LEPROT: variants seen among roughly 807,000 people sequenced by gnomAD.
LEPROT encodes leptin receptor overlapping transcript.
In LEPROT, 3 loss-of-function variants were observed where a neutral mutation model predicts 15.4. That is an observed-to-expected ratio of 0.19 (90% CI 0.09 to 0.50). The LOEUF (loss-of-function observed/expected upper bound fraction) is 0.50, where lower values mean the gene tolerates loss of function less well. LEPROT is among the 20% of genes least tolerant of loss of function. The pLI, the probability that LEPROT is intolerant of heterozygous loss-of-function variation, is 0.97. For missense variants in LEPROT, 137 were observed against 162.2 expected (o/e 0.84, Z 0.84); for synonymous variants, 59 against 57.5 (o/e 1.03, Z -0.12).
Position 65,434,820 on chromosome 1 carries a change from A to G in LEPROT, c.*2901A>G. On this transcript the variant is annotated 3_prime_UTR_variant, in exon 4 of 4. Coordinates refer to ENST00000371065, the MANE Select transcript of LEPROT (RefSeq NM_017526.5). ...TCCCTCCTGAGGTTCTTCATATTCC[A>G]GAGTCACCCACCCTTCTCCTCCCAT... 2.0e-6 allele frequency: 2 copies of G among 985,478 alleles called. No homozygotes were observed. The highest frequency in any genetic ancestry group is 2.4e-6 in the Non-Finnish European group (2 of 829,982). 61.0% of individuals were successfully genotyped at this position (985,478 alleles called of 1,614,324 possible).
intron 3 of LEPROT, chr1:65,430,337 C>T (rs1646461489): frequency 4.2e-6 from 1 of 240,146 alleles, no homozygotes. Context: ...TTAAATCTTA[C>T]AGTAATCCAC....
At chr1:65,430,590 T>G (rs748557438) in intron 3 of LEPROT, among the ~76,000 whole-genome samples, 8 of 152,232 alleles carry the variant, frequency 5.3e-5, no homozygotes, top group Admixed American at 1.3e-4. Flanking sequence ...TGCTATTCAC[T>G]GTCTTTCCTA....
chr1:65,425,368 G>C lies in LEPROT; in HGVS notation c.82G>C (p.Glu28Gln). ...LTFLMLGCAL[E>Q]DYGVYWPLFV... ...TTTTCTTATGCTGGGATGTGCCTTAGAGGATTATGGGTAAGTTATCATTTC... is the reference window on the plus strand; with the variant it reads ...TTTTCTTATGCTGGGATGTGCCTTACAGGATTATGGGTAAGTTATCATTTC... The change falls in exon 2 of 4, where the codon GAG (glutamate) becomes CAG (glutamine). Residue 28 changes from glutamate to glutamine, a missense_variant. Physicochemically the swap from Glu to Gln is conservative, Grantham distance 29. Coordinates refer to ENST00000371065, the MANE Select transcript of LEPROT (RefSeq NM_017526.5). 6.2e-7 allele frequency: 1 copy of C among 1,602,778 alleles called. No homozygotes were observed. Among genetic ancestry groups the C allele is most frequent in the Non-Finnish European group, 8.5e-7 (1 of 1,177,028 alleles).
Position 65,433,523 on chromosome 1 carries a change from AAC to A in LEPROT, c.*1607_*1608del. 1 of 985,440 alleles carries A rather than the reference AAC, an allele frequency of 1.0e-6. No individual in the cohort carries two copies. The highest frequency in any genetic ancestry group is 1.2e-6 in the Non-Finnish European group (1 of 829,928). 61.0% of individuals were successfully genotyped at this position (985,440 alleles called of 1,614,324 possible). A position where few individuals can be genotyped will look rare whatever the true frequency, so the allele number is the denominator to read the frequency against. On this transcript the variant is annotated 3_prime_UTR_variant, in exon 4 of 4. Coordinates refer to ENST00000371065, the MANE Select transcript of LEPROT (RefSeq NM_017526.5). ...AAGTATGAAACTGAAATACATTCAA[AAC>A]ACTTAATCCTTGAGGCTTGTGATCT... is the stretch of plus-strand genomic sequence containing the variant.
Position 65,433,760 on chromosome 1 carries a change from C to T in LEPROT, c.*1841C>T. Reference sequence around the variant, plus strand: ...TTTTAACCGGCATTTTTAATAATGACACTTGCATTTATTGTATTGTAATAA... The same window carrying T: ...TTTTAACCGGCATTTTTAATAATGATACTTGCATTTATTGTATTGTAATAA... On this transcript the variant is annotated 3_prime_UTR_variant, in exon 4 of 4. Transcript: ENST00000371065. The T allele has an allele frequency of 1.1e-6, 1 of 915,062 alleles. No individual in the cohort carries two copies. Among genetic ancestry groups the T allele is most frequent in the South Asian group, 5.0e-5 (1 of 19,830 alleles). 56.7% of individuals were successfully genotyped at this position (915,062 alleles called of 1,614,324 possible).
chr1:65,425,181 A>G, intron 1 of LEPROT, 122 bp from the exon 2 acceptor site: 7 of 750,258 alleles, frequency 9.3e-6, no homozygotes, highest in Non-Finnish European at 1.6e-5. Flanking sequence ...AATTCCAGAA[A>G]ATTTACTCAT....
Position 65,435,569 on chromosome 1 carries a change from G to A in LEPROT, c.*3650G>A, listed in dbSNP as rs567575021. The A allele has an allele frequency of 8.5e-4, 421 of 497,304 alleles. No individual in the cohort carries two copies. Among genetic ancestry groups the A allele is most frequent in the Non-Finnish European group, 1.0e-3 (389 of 384,094 alleles). The allele number at this position is 497,304 out of a possible 1,614,324, so 30.8% of individuals were successfully genotyped here. On this transcript the variant is annotated 3_prime_UTR_variant, in exon 4 of 4. Transcript: ENST00000371065. Reference sequence around the variant, plus strand: ...ATTTTTAGTAAAGACGGGTTTCATCGTGTTAGCCAGGATGGTCTCGATCTC... The same window carrying A: ...ATTTTTAGTAAAGACGGGTTTCATCATGTTAGCCAGGATGGTCTCGATCTC...
At position 65,433,287 on chromosome 1, in the gene LEPROT, A is replaced by G. The variant is rs1331105125; in HGVS notation, c.*1368A>G. ...AGTGGGTGAACTGCTTAATTTCACTACGTGTTGATGTACTTGTCTTCCGTC... is the reference window on the plus strand; with the variant it reads ...AGTGGGTGAACTGCTTAATTTCACTGCGTGTTGATGTACTTGTCTTCCGTC... On this transcript the variant is annotated 3_prime_UTR_variant, in exon 4 of 4. Coordinates refer to ENST00000371065, the MANE Select transcript of LEPROT (RefSeq NM_017526.5). 3 of 985,372 alleles carry G rather than the reference A, an allele frequency of 3.0e-6. No individual in the cohort carries two copies. In the East Asian group the frequency reaches 3.4e-4, roughly 112 times the overall value. 61.0% of individuals were successfully genotyped at this position (985,372 alleles called of 1,614,324 possible). A position where few individuals can be genotyped will look rare whatever the true frequency, so the allele number is the denominator to read the frequency against.
At chr1:65,428,955 A>T (rs879267391) in intron 2 of LEPROT, among the ~76,000 whole-genome samples, 3 of 152,260 alleles carry the variant, frequency 2.0e-5, no homozygotes, top group Admixed American at 2.0e-4. Context: ...GCTTTTCACT[A>T]GTGAGCATAT....
chr1:65,433,074 C>T lies in LEPROT; in HGVS notation c.*1155C>T, dbSNP rs1557587145. 1 of 985,228 alleles carries T rather than the reference C, an allele frequency of 1.0e-6. No individual in the cohort carries two copies. Among genetic ancestry groups the T allele is most frequent in the African/African-American group, 1.7e-5 (1 of 57,232 alleles). The allele number at this position is 985,228 out of a possible 1,614,324, so 61.0% of individuals were successfully genotyped here. On this transcript the variant is annotated 3_prime_UTR_variant, in exon 4 of 4. Transcript: ENST00000371065. ...GCGGGCAGGGAGGCTGGGCTCGAGCCAGCCCCTGCGTTAGCAGGAGGGGGA... is the reference window on the plus strand; with the variant it reads ...GCGGGCAGGGAGGCTGGGCTCGAGCTAGCCCCTGCGTTAGCAGGAGGGGGA...
chr1:65,421,202 A>G lies in LEPROT; in HGVS notation c.16+462A>G, dbSNP rs866494109. On this transcript the variant is annotated intron_variant, in intron 1 of 3. Coordinates refer to ENST00000371065, the MANE Select transcript of LEPROT (RefSeq NM_017526.5). The stretch of plus-strand genomic sequence containing the variant: ...TTCCTAATGATTTTTCCAACTGGGC[A>G]GAGTTGACCGCGGGCGGGTGTCAAT... The G allele has an allele frequency of 7.2e-6, 7 of 966,020 alleles. No individual in the cohort carries two copies. The African/African-American group carries it at 8.2e-5, about 11-fold the overall frequency. 59.8% of individuals were successfully genotyped at this position (966,020 alleles called of 1,614,324 possible).
chr1:65,425,479 C>A, intron 2 of LEPROT, 101 bp downstream of exon 2: 1 of 983,786 alleles, frequency 1.0e-6, no homozygotes, highest in South Asian at 1.8e-5. Context: ...AAGTTCTAAC[C>A]AGTGAGTTAG....
intron 2 of LEPROT, 67 bp from the exon 3 acceptor site, chr1:65,429,795 G>T: frequency 2.4e-6 from 3 of 1,253,924 alleles, no homozygotes; most frequent in Non-Finnish European, 3.2e-6. Flanking sequence ...TGAAATAGTA[G>T]TATGTCTTTC....
At chr1:65,425,190 A>C (rs1158636611) in intron 1 of LEPROT, 113 bp from the exon 2 acceptor site, 3 of 813,090 alleles carry the variant, frequency 3.7e-6, no homozygotes, top group Non-Finnish European at 6.1e-6. Context: ...AAATTTACTC[A>C]TCCGCCAAAG....
At position 65,434,440 on chromosome 1, in the gene LEPROT, T is replaced by A. The variant is rs1646530980; in HGVS notation, c.*2521T>A. On this transcript the variant is annotated 3_prime_UTR_variant, in exon 4 of 4. Coordinates refer to ENST00000371065, the MANE Select transcript of LEPROT (RefSeq NM_017526.5). Reference sequence around the variant, plus strand: ...AATAATCTTATGAAGGGATTCTTTATCATGTTTCAAACAAGTGGGTTACAA... The same window carrying A: ...AATAATCTTATGAAGGGATTCTTTAACATGTTTCAAACAAGTGGGTTACAA... 4 of 985,306 alleles carry A rather than the reference T, an allele frequency of 4.1e-6. No homozygotes were observed. In the South Asian group the frequency reaches 1.9e-4, roughly 46 times the overall value. The allele number at this position is 985,306 out of a possible 1,614,324, so 61.0% of individuals were successfully genotyped here. A position where few individuals can be genotyped will look rare whatever the true frequency, so the allele number is the denominator to read the frequency against.
chr1:65,424,365 A>C (rs1239893683), intron 1 of LEPROT, among the ~76,000 whole-genome samples: 2 of 152,196 alleles, frequency 1.3e-5, no homozygotes, highest in African/African-American at 4.8e-5. Flanking sequence ...TAATTTAAAG[A>C]AGGAGGGCTT....
At chr1:65,421,221 T>C (rs948903431) in intron 1 of LEPROT, 2 of 1,199,376 alleles carry the variant, frequency 1.7e-6, no homozygotes, top group African/African-American at 3.1e-5. Flanking sequence ...CGCGGGCGGG[T>C]GTCAATGGAA....
Position 65,435,834 on chromosome 1 carries a change from T to C in LEPROT, c.*3915T>C. 2 of 983,390 alleles carry C rather than the reference T, an allele frequency of 2.0e-6. No individual in the cohort carries two copies. The highest frequency in any genetic ancestry group is 2.4e-6 in the Non-Finnish European group (2 of 828,062). 60.9% of individuals were successfully genotyped at this position (983,390 alleles called of 1,614,324 possible). On this transcript the variant is annotated 3_prime_UTR_variant, in exon 4 of 4. Transcript: ENST00000371065. ...TGTGCATTTTAATTTAATTCTCCTT[T>C]TTCCATTTTGTCTCATGAAGTACCT... is the stretch of plus-strand genomic sequence containing the variant.
chr1:65,423,621 A>G (rs1646297994), intron 1 of LEPROT, among the ~76,000 whole-genome samples: 1 of 152,218 alleles, frequency 6.6e-6, no homozygotes, highest in African/African-American at 2.4e-5. Context: ...GTGGAAATGT[A>G]AAAAGATATG....
Sources: gnomAD v4.1 joint callset for allele counts (sites outside exome capture counted in the v4.1 genomes callset) on GRCh38, gnomAD v4.1.1 for gene constraint, MANE v1.5 for transcripts, NCBI Gene and HGNC (gene_info 2026-07-23, HGNC 2026-07-21) for gene names.